The following FBXL7 variants were observed in gnomAD, a reference collection of about 807,000 sequenced individuals.
FBXL7 encodes F-box/LRR-repeat protein 7.
In FBXL7, 12 loss-of-function variants were observed where a neutral mutation model predicts 38.3. That is an observed-to-expected ratio of 0.31 (90% CI 0.20 to 0.51). The LOEUF (loss-of-function observed/expected upper bound fraction) is 0.51. Among genes scored for constraint, FBXL7 ranks in the 20% least tolerant of loss-of-function variants. The pLI, the probability that FBXL7 is intolerant of heterozygous loss-of-function variation, is 0.98. For synonymous variants in FBXL7, 297 were observed against 300.9 expected, an observed-to-expected ratio of 0.99 and a Z score of 0.13; for missense variants, 567 against 676.4, an observed-to-expected ratio of 0.84 and a Z score of 1.79.
intron 2 of FBXL7, 143 bp downstream of exon 2, chr5:15,616,215 C>A (rs1382712683): frequency 5.3e-6 from 3 of 568,972 alleles, no homozygotes; most frequent in African/African-American, 1.9e-5. Context: ...TCAGGGTCTC[C>A]TAAGTTTTGT....
chr5:15,547,825 T>C (rs1377955957), intron 1 of FBXL7, among the ~76,000 whole-genome samples: 15 of 152,200 alleles, frequency 9.9e-5, no homozygotes, highest in Admixed American at 9.8e-4. Flanking sequence ...TCTTGTCAAC[T>C]ACTAGTAAAG....
intron 1 of FBXL7, among the ~76,000 whole-genome samples, chr5:15,573,417 A>G (rs1233314530): frequency 6.6e-6 from 1 of 152,128 alleles, no homozygotes; most frequent in African/African-American, 2.4e-5. Flanking sequence ...AAAAAAATAG[A>G]TTTTTCCCTT....
intron 2 of FBXL7, among the ~76,000 whole-genome samples, chr5:15,680,596 G>T (rs545076874): frequency 6.7e-6 from 1 of 148,234 alleles, no homozygotes. Context: ...CAACTGTAAA[G>T]ATGAGATGTC....
intron 2 of FBXL7, among the ~76,000 whole-genome samples, chr5:15,906,019 A>G (rs1741350336): frequency 6.6e-6 from 1 of 152,134 alleles, no homozygotes; most frequent in Admixed American, 6.6e-5. Flanking sequence ...GCCAGAATCC[A>G]CCATTCTGTT....
chr5:15,814,702 G>C (rs1476843585), intron 2 of FBXL7, among the ~76,000 whole-genome samples: 3 of 152,076 alleles, frequency 2.0e-5, no homozygotes, highest in Non-Finnish European at 4.4e-5. Context: ...GAAATACTTT[G>C]TGATACCAAA....
chr5:15,727,922 G>A (rs986457751), intron 2 of FBXL7, among the ~76,000 whole-genome samples: 4 of 152,028 alleles, frequency 2.6e-5, no homozygotes, highest in African/African-American at 7.2e-5. Context: ...TTTTGTTGCT[G>A]TTATGGTTGT....
intron 1 of FBXL7, among the ~76,000 whole-genome samples, chr5:15,533,263 G>C (rs1202477046): frequency 6.6e-6 from 1 of 152,172 alleles, no homozygotes; most frequent in Non-Finnish European, 1.5e-5. Context: ...TACTGTGGCT[G>C]TTCCATAAAT....
At chr5:15,539,117 T>C (rs941459786) in intron 1 of FBXL7, among the ~76,000 whole-genome samples, 1 of 152,188 alleles carries the variant, frequency 6.6e-6, no homozygotes, top group African/African-American at 2.4e-5. Flanking sequence ...TGCTCACTTA[T>C]TTTAATAGCT....
At chr5:15,826,235 C>T (rs1261922650) in intron 2 of FBXL7, among the ~76,000 whole-genome samples, 1 of 152,144 alleles carries the variant, frequency 6.6e-6, no homozygotes, top group Non-Finnish European at 1.5e-5. Context: ...CATGAAAATA[C>T]TAGAGAGAGT....
intron 2 of FBXL7, among the ~76,000 whole-genome samples, chr5:15,715,476 C>T (rs1033565932): frequency 6.4e-5 from 8 of 125,072 alleles, no homozygotes; most frequent in African/African-American, 1.6e-4. Flanking sequence ...GGTGACAGAG[C>T]GAGACTCCGT....
At chr5:15,729,340 T>G (rs1257204911) in intron 2 of FBXL7, among the ~76,000 whole-genome samples, 1 of 152,156 alleles carries the variant, frequency 6.6e-6, no homozygotes, top group Non-Finnish European at 1.5e-5. Context: ...AGAGAACTTG[T>G]GCATGGGTGG....
intron 2 of FBXL7, among the ~76,000 whole-genome samples, chr5:15,627,197 A>G (rs936530618): frequency 1.3e-5 from 2 of 152,166 alleles, no homozygotes; most frequent in Non-Finnish European, 2.9e-5. Context: ...TACTTCCAGA[A>G]CTGTAGCAAT....
At chr5:15,627,173 A>T (rs1740847755) in intron 2 of FBXL7, among the ~76,000 whole-genome samples, 1 of 152,238 alleles carries the variant, frequency 6.6e-6, no homozygotes. Context: ...ATTTGATTTT[A>T]TGACAAGATC....
rs575116333 is a variant in FBXL7, at chr5:15,923,067, C to T, written c.128-4823C>T. 2.0e-5 allele frequency among the ~76,000 whole-genome samples: 3 copies of T among 152,318 alleles called. No homozygotes were observed. In the East Asian group the frequency reaches 5.8e-4, roughly 29 times the overall value. On this transcript the variant is annotated intron_variant, in intron 2 of 3. Transcript: ENST00000504595. ...ATATAGTCAGTTTGTATTGCAATGT[C>T]GTAAGACCAGGAGGAGGGTTGCAGA...
At chr5:15,799,056 GGGTGGCA>G (rs1306414953) in intron 2 of FBXL7, among the ~76,000 whole-genome samples, 1 of 152,188 alleles carries the variant, frequency 6.6e-6, no homozygotes, top group Non-Finnish European at 1.5e-5. Flanking sequence ...AGTTGTAAAT[GGGTGGCA>G]GGTGCTCAGC....
intron 1 of FBXL7, among the ~76,000 whole-genome samples, chr5:15,577,594 T>TTGTGTGTG (rs34405217): frequency 1.2e-4 from 18 of 147,568 alleles, no homozygotes; most frequent in African/African-American, 4.0e-4. Flanking sequence ...GTAATGCATT[T>TTGTGTGTG]TGTGTGTGTG....
intron 2 of FBXL7, among the ~76,000 whole-genome samples, chr5:15,624,653 A>G (rs952456454): frequency 6.6e-6 from 1 of 152,232 alleles, no homozygotes; most frequent in Non-Finnish European, 1.5e-5. Flanking sequence ...ATCATTTTCG[A>G]GCTGTTGTTG....
intron 2 of FBXL7, among the ~76,000 whole-genome samples, chr5:15,643,516 T>A (rs1741434133): frequency 6.6e-6 from 1 of 152,206 alleles, no homozygotes; most frequent in Non-Finnish European, 1.5e-5. Flanking sequence ...GCCCTCCTTT[T>A]TATCTTCTTT....
intron 2 of FBXL7, among the ~76,000 whole-genome samples, chr5:15,718,531 G>C (rs932811241): frequency 6.6e-6 from 1 of 152,146 alleles, no homozygotes; most frequent in African/African-American, 2.4e-5. Flanking sequence ...GGGTACCTCT[G>C]CCTGTTAAAT....
Sources: gnomAD v4.1 joint callset for allele counts (sites outside exome capture counted in the v4.1 genomes callset) on GRCh38, gnomAD v4.1.1 for gene constraint, MANE v1.5 for transcripts, NCBI Gene and HGNC (gene_info 2026-07-23, HGNC 2026-07-21) for gene names.